The following PPARGC1B variants were observed in gnomAD, a reference collection of about 807,000 sequenced individuals.
PPARGC1B encodes peroxisome proliferator-activated receptor gamma coactivator 1-beta.
In PPARGC1B, 34 loss-of-function variants were observed where a neutral mutation model predicts 101.6. The observed-to-expected ratio is 0.33, with a 90% CI of 0.25 to 0.45. The LOEUF is 0.45. PPARGC1B is among the 20% of genes least tolerant of loss of function. The pLI, the probability that PPARGC1B is intolerant of heterozygous loss-of-function variation, is 1.00. For missense variants in PPARGC1B, 1,234 were observed against 1,317.6 expected (o/e 0.94, Z 0.98); for synonymous variants, 548 against 539.3 (o/e 1.02, Z -0.22).
At chr5:149,817,591 C>T (rs1758109233) in intron 1 of PPARGC1B, 1 of 384,154 alleles carries the variant, frequency 2.6e-6, no homozygotes, top group South Asian at 2.0e-5. Flanking sequence ...GAAATATTTA[C>T]ATGTTTTCTT....
chr5:149,801,760 G>A (rs1000681372), intron 1 of PPARGC1B, among the ~76,000 whole-genome samples: 9 of 152,152 alleles, frequency 5.9e-5, no homozygotes, highest in African/African-American at 9.7e-5. Flanking sequence ...AGTTGGTGGT[G>A]TGAACTGGGT....
chr5:149,847,703 TTA>T lies in PPARGC1B; in HGVS notation c.*146_*147del. 4.9e-6 allele frequency: 3 copies of T among 611,552 alleles called. No individual in the cohort carries two copies. The highest frequency in any genetic ancestry group is 2.1e-5 in the South Asian group (1 of 46,934). 37.9% of individuals were successfully genotyped at this position (611,552 alleles called of 1,614,324 possible). On this transcript the variant is annotated 3_prime_UTR_variant, in exon 12 of 12. Coordinates refer to ENST00000309241, the MANE Select transcript of PPARGC1B (RefSeq NM_133263.4). ...GAGAGAGACTTGAAACTGCTGTCCT[TTA>T]AAAAAAAAAAAAATCAATGTTTACA...
intron 1 of PPARGC1B, among the ~76,000 whole-genome samples, chr5:149,776,845 C>A (rs970056090): frequency 2.6e-5 from 4 of 152,238 alleles, no homozygotes; most frequent in Non-Finnish European, 5.9e-5. Context: ...GGCCCCGTAA[C>A]CTTTTCCTGT....
At chr5:149,802,775 C>G (rs1757471913) in intron 1 of PPARGC1B, among the ~76,000 whole-genome samples, 1 of 152,076 alleles carries the variant, frequency 6.6e-6, no homozygotes, top group Admixed American at 6.6e-5. Context: ...GCTTCCCAAA[C>G]TTAAATGTGC....
chr5:149,842,158 C>T, intron 9 of PPARGC1B, 98 bp from the exon 10 acceptor site: 1 of 1,475,908 alleles, frequency 6.8e-7, no homozygotes, highest in Non-Finnish European at 9.2e-7. Flanking sequence ...AGCCAGGCAT[C>T]ATGGACTAGG....
chr5:149,844,231 T>C (rs1294273094), intron 10 of PPARGC1B, among the ~76,000 whole-genome samples: 2 of 152,140 alleles, frequency 1.3e-5, no homozygotes, highest in East Asian at 3.8e-4. Flanking sequence ...CAAATGAAGA[T>C]AGCATGCAAA....
At chr5:149,857,139 A>C (rs1275880794), downstream of PPARGC1B, among the ~76,000 whole-genome samples, 1 of 151,998 alleles carries the variant, frequency 6.6e-6, no homozygotes, top group Non-Finnish European at 1.5e-5. Flanking sequence ...CAGGTTTTCT[A>C]ACCTCTCTAA....
chr5:149,747,315 A>G (rs1755126373), intron 1 of PPARGC1B, among the ~76,000 whole-genome samples: 1 of 152,212 alleles, frequency 6.6e-6, no homozygotes, highest in Admixed American at 6.5e-5. Context: ...CCTTCGCATA[A>G]CTGAATGTGT....
At chr5:149,751,245 C>T (rs922274777) in intron 1 of PPARGC1B, among the ~76,000 whole-genome samples, 7 of 152,136 alleles carry the variant, frequency 4.6e-5, no homozygotes, top group African/African-American at 1.7e-4. Flanking sequence ...AAATGCCTTT[C>T]AACTGAATAT....
chr5:149,756,463 C>CA (rs1236366831), intron 1 of PPARGC1B, among the ~76,000 whole-genome samples: 1 of 151,938 alleles, frequency 6.6e-6, no homozygotes, highest in African/African-American at 2.4e-5. Flanking sequence ...AAAAGAAAAA[C>CA]AAAAAACAAA....
At chr5:149,742,209 G>C (rs564606016) in intron 1 of PPARGC1B, among the ~76,000 whole-genome samples, 14 of 152,150 alleles carry the variant, frequency 9.2e-5, no homozygotes, top group Non-Finnish European at 1.3e-4. Context: ...TGTGGTGCTG[G>C]TGCTGTTCTG....
intron 1 of PPARGC1B, among the ~76,000 whole-genome samples, chr5:149,737,446 T>C (rs938448393): frequency 1.9e-4 from 29 of 152,094 alleles, no homozygotes; most frequent in Admixed American, 1.5e-3. Flanking sequence ...GTGTCTTCCT[T>C]CTCCATTTCC....
At chr5:149,840,636 C>G (rs778033472) in intron 9 of PPARGC1B, among the ~76,000 whole-genome samples, 3 of 152,202 alleles carry the variant, frequency 2.0e-5, no homozygotes, top group Non-Finnish European at 4.4e-5. Context: ...CCACCCACCT[C>G]CCTAATGCCT....
intron 2 of PPARGC1B, among the ~76,000 whole-genome samples, chr5:149,822,615 T>G (rs547131889): frequency 5.3e-5 from 8 of 152,374 alleles, no homozygotes; most frequent in African/African-American, 1.9e-4. Context: ...AGTCATCCAC[T>G]GAATGAATCC....
At chr5:149,771,146 C>T (rs745541236) in intron 1 of PPARGC1B, among the ~76,000 whole-genome samples, 7 of 152,158 alleles carry the variant, frequency 4.6e-5, no homozygotes, top group Non-Finnish European at 8.8e-5. Flanking sequence ...TGTGGGGGGC[C>T]GTGTGCGCAT....
At chr5:149,797,587 A>G (rs1201534372) in intron 1 of PPARGC1B, among the ~76,000 whole-genome samples, 2 of 152,148 alleles carry the variant, frequency 1.3e-5, no homozygotes, top group Admixed American at 6.6e-5. Context: ...TTTTGATAGT[A>G]TTGGTTTTCT....
chr5:149,833,880 A>T lies in PPARGC1B; in HGVS notation c.1705+102A>T. 7.1e-7 allele frequency: 1 copy of T among 1,411,702 alleles called. No individual in the cohort carries two copies. The highest frequency in any genetic ancestry group is 3.0e-5 in the Admixed American group (1 of 33,638). 87.4% of individuals were successfully genotyped at this position (1,411,702 alleles called of 1,614,324 possible). ...CCCTGTGTTCAAGTCCCCGTCCCCC[A>T]ACAAAGTGTTATATGGGTTTGGACA... is the stretch of plus-strand genomic sequence containing the variant. On this transcript the variant is annotated intron_variant, in intron 5 of 11. Coordinates refer to ENST00000309241, the MANE Select transcript of PPARGC1B (RefSeq NM_133263.4). The surrounding 1 kb of genome is among the most constrained non-coding windows in gnomAD (Gnocchi z 4.1).
intron 2 of PPARGC1B, among the ~76,000 whole-genome samples, chr5:149,825,844 A>T (rs1758496729): frequency 6.6e-6 from 1 of 152,174 alleles, no homozygotes; most frequent in Non-Finnish European, 1.5e-5. Context: ...CATCATCATC[A>T]TCGTCATGGC....
At chr5:149,820,869 AGCCCCTTCGTGT>A (rs1344217650) in intron 2 of PPARGC1B, among the ~76,000 whole-genome samples, 1 of 152,134 alleles carries the variant, frequency 6.6e-6, no homozygotes, top group Non-Finnish European at 1.5e-5. Context: ...AGCAGAACCA[AGCCCCTTCGTGT>A]GCCACAGAGG....
Sources: gnomAD v4.1 joint callset for allele counts (sites outside exome capture counted in the v4.1 genomes callset) on GRCh38, gnomAD v4.1.1 for gene constraint, Gnocchi (gnomAD v3.1) non-coding constraint, MANE v1.5 for transcripts, NCBI Gene and HGNC (gene_info 2026-07-23, HGNC 2026-07-21) for gene names.